Variants in PLEKHA7 observed in about 807,000 individuals in gnomAD.
PLEKHA7 encodes pleckstrin homology domain-containing family A member 7.
A neutral mutation model predicts 170.0 loss-of-function variants in PLEKHA7; 104 were observed. The observed-to-expected ratio is 0.61, with a 90% CI of 0.52 to 0.72. PLEKHA7 has a LOEUF of 0.72. PLEKHA7 is among the 30% of genes least tolerant of loss of function. The pLI is 0.00. For missense variants in PLEKHA7, 1,615 were observed against 1,671.7 expected (o/e 0.97, Z 0.59); for synonymous variants, 648 against 660.8 (o/e 0.98, Z 0.30).
intron 18 of PLEKHA7, 96 bp downstream of exon 18, chr11:16,794,814 C>CA: frequency 1.3e-6 from 2 of 1,502,718 alleles, no homozygotes; most frequent in Non-Finnish European, 1.9e-6. Flanking sequence ...TCAACCTCCC[C>CA]AAGGGCCATC....
At chr11:16,813,187 A>T in intron 12 of PLEKHA7, 21 bp from the exon 13 acceptor site, 1 of 1,608,582 alleles carries the variant, frequency 6.2e-7, no homozygotes, top group Non-Finnish European at 8.5e-7. Flanking sequence ...AGCAGAGAGG[A>T]AAAAACACAG....
intron 26 of PLEKHA7, among the ~76,000 whole-genome samples, chr11:16,781,996 CA>C (rs1172480536): frequency 1.3e-5 from 2 of 152,124 alleles, no homozygotes; most frequent in Admixed American, 1.3e-4. Flanking sequence ...AAGGCACACA[CA>C]AGCAGGTGAG....
intron 3 of PLEKHA7, among the ~76,000 whole-genome samples, chr11:16,958,463 C>T (rs1277212276): frequency 2.0e-5 from 3 of 152,048 alleles, no homozygotes; most frequent in Admixed American, 6.6e-5. Context: ...GAATAATGTG[C>T]GTATATGCAT....
intron 3 of PLEKHA7, among the ~76,000 whole-genome samples, chr11:16,983,202 G>T (rs766017246): frequency 6.6e-6 from 1 of 152,196 alleles, no homozygotes; most frequent in Non-Finnish European, 1.5e-5. Flanking sequence ...GAGCAGAGAA[G>T]ATTTCAGCTC....
intron 16 of PLEKHA7, among the ~76,000 whole-genome samples, chr11:16,801,453 C>G (rs1262332182): frequency 6.6e-6 from 1 of 152,200 alleles, no homozygotes; most frequent in Non-Finnish European, 1.5e-5. Context: ...CTTCAAGAGT[C>G]GCTGTGGTAA....
At chr11:16,860,361 G>T (rs941917991) in intron 4 of PLEKHA7, among the ~76,000 whole-genome samples, 2 of 152,230 alleles carry the variant, frequency 1.3e-5, no homozygotes, top group South Asian at 2.1e-4. Flanking sequence ...AGGTGGGTTT[G>T]GTCAATGAGA....
At chr11:16,993,906 G>A (rs61881290) in intron 3 of PLEKHA7, among the ~76,000 whole-genome samples, 15 of 152,180 alleles carry the variant, frequency 9.9e-5, no homozygotes, top group Non-Finnish European at 2.1e-4. Context: ...TAAGGAAGGG[G>A]GAGGAAACAA....
intron 3 of PLEKHA7, among the ~76,000 whole-genome samples, chr11:16,981,132 T>C (rs1182701314): frequency 6.6e-6 from 1 of 151,994 alleles, no homozygotes; most frequent in African/African-American, 2.4e-5. Flanking sequence ...CTGTTCCTCC[T>C]GCAGTCTCAG....
intron 9 of PLEKHA7, among the ~76,000 whole-genome samples, chr11:16,836,642 T>A (rs1484287683): frequency 6.6e-6 from 1 of 152,214 alleles, no homozygotes; most frequent in Non-Finnish European, 1.5e-5. Context: ...TGTCTGAACA[T>A]CTTATTCTGG....
intron 3 of PLEKHA7, among the ~76,000 whole-genome samples, chr11:16,973,489 G>A (rs1590755965): frequency 6.6e-6 from 1 of 152,322 alleles, no homozygotes; most frequent in Non-Finnish European, 1.5e-5. Context: ...TTCTCTTGGT[G>A]CCCCTTTTAA....
At chr11:16,798,346 G>A (rs1171731997) in intron 17 of PLEKHA7, among the ~76,000 whole-genome samples, 1 of 152,182 alleles carries the variant, frequency 6.6e-6, no homozygotes, top group Non-Finnish European at 1.5e-5. Flanking sequence ...CACAGGCAAG[G>A]TGGAAATCAA....
At chr11:16,908,785 C>T (rs941461245) in intron 3 of PLEKHA7, among the ~76,000 whole-genome samples, 2 of 152,298 alleles carry the variant, frequency 1.3e-5, no homozygotes, top group East Asian at 1.9e-4. Flanking sequence ...CATGAGCCAC[C>T]GCGCCCAGCC....
intron 3 of PLEKHA7, among the ~76,000 whole-genome samples, chr11:16,907,179 C>T (rs1160090728): frequency 1.2e-5 from 1 of 80,126 alleles, no homozygotes; most frequent in Non-Finnish European, 2.2e-5. Flanking sequence ...TAGCCCCCCG[C>T]CCGGCCAGCC....
intron 3 of PLEKHA7, among the ~76,000 whole-genome samples, chr11:16,944,543 TAAA>T (rs34484852): frequency 5.8e-5 from 8 of 138,950 alleles, no homozygotes; most frequent in South Asian, 2.3e-4. Context: ...TTCTTCTCCT[TAAA>T]AAAAAAAAAA....
chr11:16,979,066 C>G (rs1423537886), intron 3 of PLEKHA7, among the ~76,000 whole-genome samples: 1 of 152,190 alleles, frequency 6.6e-6, no homozygotes, highest in Non-Finnish European at 1.5e-5. Flanking sequence ...GAGACGCAGT[C>G]TTGTTGTGCT....
intron 15 of PLEKHA7, 49 bp from the exon 16 acceptor site, chr11:16,801,866 G>A (rs1160959752): frequency 6.2e-7 from 1 of 1,608,430 alleles, no homozygotes; most frequent in Non-Finnish European, 8.5e-7. Context: ...ACAGTCCCCA[G>A]AGGCCTCCCC....
chr11:16,864,048 T>C (rs1854190626), intron 4 of PLEKHA7, among the ~76,000 whole-genome samples: 1 of 152,208 alleles, frequency 6.6e-6, no homozygotes, highest in Non-Finnish European at 1.5e-5. Flanking sequence ...AGCAGTAGCC[T>C]ACTCACTCAG....
Position 16,791,314 on chromosome 11 carries a change from G to A in PLEKHA7, c.2746-115C>T. 1.0e-6 allele frequency: 1 copy of A among 994,882 alleles called. No homozygotes were observed. The highest frequency in any genetic ancestry group is 1.7e-5 in the South Asian group (1 of 58,886). 61.6% of individuals were successfully genotyped at this position (994,882 alleles called of 1,614,324 possible). A position where few individuals can be genotyped will look rare whatever the true frequency, so the allele number is the denominator to read the frequency against. The stretch of plus-strand genomic sequence containing the variant: ...AGGAACAGGCCACATCAGAGCCACA[G>A]AACATGACTGCCTCAGCCAAGGAGC... On this transcript the variant is annotated intron_variant, in intron 19 of 26. Coordinates refer to ENST00000531066, the MANE Select transcript of PLEKHA7 (RefSeq NM_001329630.2). This position sits in a 1 kb window ranked among gnomAD's most constrained non-coding sequence, Gnocchi z 4.5.
At chr11:16,995,458 C>T (rs542716426) in intron 3 of PLEKHA7, among the ~76,000 whole-genome samples, 2 of 152,278 alleles carry the variant, frequency 1.3e-5, no homozygotes, top group East Asian at 1.9e-4. Flanking sequence ...GTTCACAAGA[C>T]CCCTGCACAC....
Sources: allele counts gnomAD v4.1 joint callset (sites outside exome capture counted in the v4.1 genomes callset), GRCh38; gene constraint gnomAD v4.1.1; non-coding constraint Gnocchi (gnomAD v3.1); transcripts MANE v1.5; gene names NCBI Gene and HGNC (gene_info 2026-07-23, HGNC 2026-07-21).